Variants in LTBP1 observed in about 807,000 individuals in gnomAD.
LTBP1 encodes latent transforming growth factor beta binding protein 1, also known as latent-transforming growth factor beta-binding protein 1.
A neutral mutation model predicts 207.6 loss-of-function variants in LTBP1; 129 were observed. The observed-to-expected ratio is 0.62, with a 90% CI of 0.54 to 0.72. LTBP1 has a LOEUF of 0.72. LTBP1 is among the 30% of genes least tolerant of loss of function. The pLI, the probability that LTBP1 is intolerant of heterozygous loss-of-function variation, is 0.00. For missense variants in LTBP1, 2,281 were observed against 2,217.2 expected (o/e 1.03, Z -0.58); for synonymous variants, 963 against 833.7 (o/e 1.16, Z -2.67).
chr2:33,397,357 A>G, intron 33 of LTBP1, 75 bp downstream of exon 33: 1 of 1,542,138 alleles, frequency 6.5e-7, no homozygotes, highest in Non-Finnish European at 8.9e-7. Flanking sequence ...GAGAACATTT[A>G]AGATAGATTT....
intron 2 of LTBP1, among the ~76,000 whole-genome samples, chr2:33,008,368 T>A (rs925490080): frequency 3.9e-5 from 6 of 152,186 alleles, no homozygotes; most frequent in Admixed American, 1.3e-4. Flanking sequence ...CCTTAAAAAT[T>A]TAAGTATGTT....
chr2:33,382,634 T>C (rs2095229151), intron 31 of LTBP1, among the ~76,000 whole-genome samples: 1 of 152,162 alleles, frequency 6.6e-6, no homozygotes, highest in Admixed American at 6.5e-5. Context: ...CTGTCCGTAA[T>C]GAAGCAATGA....
chr2:33,220,839 C>T (rs2091055591), intron 8 of LTBP1, among the ~76,000 whole-genome samples: 2 of 152,178 alleles, frequency 1.3e-5, no homozygotes, highest in Non-Finnish European at 2.9e-5. Context: ...ATGCCTCACT[C>T]TGATCTTCTC....
chr2:33,187,458 G>A (rs1256448320), intron 6 of LTBP1, among the ~76,000 whole-genome samples: 1 of 152,160 alleles, frequency 6.6e-6, no homozygotes, highest in African/African-American at 2.4e-5. Context: ...GTACCTGCTG[G>A]TGAACTTCAC....
chr2:33,287,873 A>T (rs1289698452), intron 19 of LTBP1, among the ~76,000 whole-genome samples: 1 of 152,208 alleles, frequency 6.6e-6, no homozygotes, highest in Non-Finnish European at 1.5e-5. Context: ...TGGTTTCATC[A>T]CACTGGCTGG....
chr2:33,282,792 C>T (rs2093585549), intron 19 of LTBP1, among the ~76,000 whole-genome samples: 1 of 152,228 alleles, frequency 6.6e-6, no homozygotes, highest in Non-Finnish European at 1.5e-5. Flanking sequence ...AGGCCAGGCA[C>T]GGTGGCTCAC....
chr2:33,126,869 G>A (rs1399714341), intron 4 of LTBP1, among the ~76,000 whole-genome samples: 2 of 152,120 alleles, frequency 1.3e-5, no homozygotes, highest in Non-Finnish European at 2.9e-5. Context: ...TATTCTGCAA[G>A]CTTGGATTCT....
At chr2:32,958,244 G>A (rs1678415469) in intron 2 of LTBP1, among the ~76,000 whole-genome samples, 1 of 152,148 alleles carries the variant, frequency 6.6e-6, no homozygotes, top group African/African-American at 2.4e-5. Context: ...CATCATCCAG[G>A]GGCTTGCTAC....
intron 5 of LTBP1, among the ~76,000 whole-genome samples, chr2:33,184,489 T>TTGTCTGAATCTTGACCA (rs2086979780): frequency 1.3e-5 from 2 of 152,232 alleles, no homozygotes; most frequent in South Asian, 4.1e-4. Context: ...CTTTCTGATG[T>TTGTCTGAATCTTGACCA]TGTCTGAATC....
intron 3 of LTBP1, among the ~76,000 whole-genome samples, chr2:33,100,855 T>C (rs2079690871): frequency 6.6e-6 from 1 of 152,262 alleles, no homozygotes; most frequent in South Asian, 2.1e-4. Context: ...GGTTCATCTG[T>C]GTTGTAGCCT....
intron 4 of LTBP1, among the ~76,000 whole-genome samples, chr2:33,123,612 A>G (rs115179432): frequency 0.056 from 8,522 of 152,298 alleles, 283 homozygotes; most frequent in Middle Eastern, 0.099. Flanking sequence ...TTAAGAACAT[A>G]TACTCTGAGC....
At chr2:33,202,294 G>T (rs545744370) in intron 7 of LTBP1, among the ~76,000 whole-genome samples, 3 of 152,262 alleles carry the variant, frequency 2.0e-5, no homozygotes, top group Non-Finnish European at 4.4e-5. Context: ...TAAGAAGCTG[G>T]GGAAATAGAT....
chr2:33,196,250 G>T (rs1255667228), intron 7 of LTBP1, among the ~76,000 whole-genome samples: 2 of 152,130 alleles, frequency 1.3e-5, no homozygotes, highest in African/African-American at 4.8e-5. Flanking sequence ...CGGTTCATAT[G>T]CAGGTGATCA....
At chr2:33,156,675 C>CAACTATAT (rs201291735) in intron 5 of LTBP1, among the ~76,000 whole-genome samples, 2,316 of 152,158 alleles carry the variant, frequency 0.015, 23 homozygotes, top group East Asian at 0.027. Flanking sequence ...CATCAAAATG[C>CAACTATAT]AACTATATAA....
chr2:33,342,460 C>T (rs532370195), intron 24 of LTBP1, among the ~76,000 whole-genome samples: 5 of 152,292 alleles, frequency 3.3e-5, no homozygotes, highest in African/African-American at 1.2e-4. Flanking sequence ...TTAGCATTTA[C>T]TGCAACTAAA....
intron 26 of LTBP1, among the ~76,000 whole-genome samples, chr2:33,359,170 G>A (rs2094898266): frequency 6.6e-6 from 1 of 152,186 alleles, no homozygotes; most frequent in African/African-American, 2.4e-5. Flanking sequence ...AATAATCAGA[G>A]AATTGGCCAG....
intron 9 of LTBP1, among the ~76,000 whole-genome samples, chr2:33,232,526 A>G (rs2091847551): frequency 6.6e-6 from 1 of 152,190 alleles, no homozygotes; most frequent in Non-Finnish European, 1.5e-5. Context: ...TAATAGTTAA[A>G]TGAATTTACT....
At chr2:33,199,042 A>G (rs1258525066) in intron 7 of LTBP1, among the ~76,000 whole-genome samples, 1 of 152,178 alleles carries the variant, frequency 6.6e-6, no homozygotes, top group Non-Finnish European at 1.5e-5. Context: ...ATTTAGTGCT[A>G]TAAATTTCCC....
At chr2:33,181,773 A>G (rs2086662742) in intron 5 of LTBP1, among the ~76,000 whole-genome samples, 1 of 152,184 alleles carries the variant, frequency 6.6e-6, no homozygotes, top group Non-Finnish European at 1.5e-5. Flanking sequence ...TCTCAAGTCA[A>G]CCTTAACAAT....
Sources: allele counts gnomAD v4.1 joint callset (sites outside exome capture counted in the v4.1 genomes callset), GRCh38; gene constraint gnomAD v4.1.1; transcripts MANE v1.5; gene names NCBI Gene and HGNC (gene_info 2026-07-23, HGNC 2026-07-21).